Variants in DNAH5 observed in about 807,000 individuals in gnomAD.
DNAH5 encodes the protein axonemal beta dynein heavy chain 5.
DNAH5 carries 372 observed loss-of-function variants against 518.2 expected under a neutral mutation model. That is an observed-to-expected ratio of 0.72 (90% CI 0.66 to 0.78). The LOEUF (loss-of-function observed/expected upper bound fraction) is 0.78. Among genes scored for constraint, DNAH5 ranks in the 30% least tolerant of loss-of-function variants. DNAH5 has a pLI of 0.00. For synonymous variants in DNAH5, 2,039 were observed against 2,025.9 expected (o/e 1.01, Z -0.17); for missense variants, 5,523 against 5,687.0 (o/e 0.97, Z 0.93).
intron 38 of DNAH5, among the ~76,000 whole-genome samples, chr5:13,828,184 G>A (rs979296486): frequency 2.0e-5 from 3 of 152,216 alleles, no homozygotes; most frequent in African/African-American, 7.2e-5. Flanking sequence ...AGCCAGAAGA[G>A]TCTGTGTGTG....
At chr5:13,904,330 CAT>C (rs1245953001) in intron 12 of DNAH5, among the ~76,000 whole-genome samples, 8 of 149,054 alleles carry the variant, frequency 5.4e-5, no homozygotes, top group Non-Finnish European at 1.0e-4. Context: ...TTTATATATA[CAT>C]ATATGTTATA....
chr5:13,882,941 T>C lies in DNAH5; in HGVS notation c.3137A>G (p.Lys1046Arg). The C allele has an allele frequency of 6.2e-7, 1 of 1,614,162 alleles. No individual in the cohort carries two copies. Among genetic ancestry groups the C allele is most frequent in the Non-Finnish European group, 8.5e-7 (1 of 1,180,012 alleles). The change falls in exon 20 of 79, where the codon AAG becomes AGG. Residue 1046 changes from lysine to arginine, a missense_variant. By Grantham distance (26) the Lys-to-Arg change is conservative. This residue lies in a region of DNAH5 where 5,121 missense variants were observed against 5,223.3 expected (regional missense o/e 0.98). Coordinates refer to ENST00000265104, the MANE Select transcript of DNAH5 (RefSeq NM_001369.3). ...TTCACTGCTCCACTGTCTGACCCCC[T>C]TAGGGACACTGATGATGCACTCCAC... ...KAVECIISVP[K>R]GVRQWSSELL... is the part of the protein sequence containing the mutation.
chr5:13,780,770 G>A, intron 53 of DNAH5, 59 bp downstream of exon 53: 1 of 1,586,642 alleles, frequency 6.3e-7, no homozygotes, highest in Non-Finnish European at 8.6e-7. Flanking sequence ...ACTTCAGGTG[G>A]CCTCTGAGCA....
chr5:13,994,046 C>T (rs1783751692), intron 1 of DNAH5, among the ~76,000 whole-genome samples: 1 of 152,222 alleles, frequency 6.6e-6, no homozygotes, highest in African/African-American at 2.4e-5. Context: ...TCAGGCCGTC[C>T]TCTGCTCACC....
At chr5:13,793,381 G>A (rs2126908493) in intron 49 of DNAH5, 134 bp downstream of exon 49, 1 of 744,842 alleles carries the variant, frequency 1.3e-6, no homozygotes, top group Non-Finnish European at 2.4e-6. Context: ...TACACTGCTT[G>A]AGAGTGATGG....
chr5:13,802,326 A>T lies in DNAH5; in HGVS notation c.7887+5265T>A, dbSNP rs529873479. 2.6e-5 allele frequency among the ~76,000 whole-genome samples: 4 copies of T among 152,336 alleles called. No homozygotes were observed. In the South Asian group the frequency reaches 8.3e-4, roughly 32 times the overall value. On this transcript the variant is annotated intron_variant, in intron 47 of 78. Coordinates refer to ENST00000265104, the MANE Select transcript of DNAH5 (RefSeq NM_001369.3). ...GAAAACCAGGTAGGCTGAGGAATGG[A>T]GCTCCCTTCTGGCTCTTTTCTGAGC...
chr5:13,789,952 C>T (rs143487620), intron 50 of DNAH5, among the ~76,000 whole-genome samples: 1 of 152,090 alleles, frequency 6.6e-6, no homozygotes, highest in African/African-American at 2.4e-5. Context: ...TGAAAAGAAG[C>T]TCAACATCAC....
chr5:13,864,704 T>C, intron 27 of DNAH5, 67 bp from the exon 28 acceptor site: 14 of 1,552,072 alleles, frequency 9.0e-6, no homozygotes, highest in Non-Finnish European at 1.2e-5. Flanking sequence ...ACCAAGACGG[T>C]CTGCTAGTAT....
At chr5:13,799,770 A>C (rs1561291507) in intron 47 of DNAH5, among the ~76,000 whole-genome samples, 1 of 152,220 alleles carries the variant, frequency 6.6e-6, no homozygotes, top group Non-Finnish European at 1.5e-5. Flanking sequence ...TTGCATATAC[A>C]TAATGAGATA....
chr5:13,887,283 CTAA>C (rs1409806069), intron 17 of DNAH5, among the ~76,000 whole-genome samples: 1 of 152,186 alleles, frequency 6.6e-6, no homozygotes, highest in East Asian at 1.9e-4. Flanking sequence ...CTCTCAAAGA[CTAA>C]TATAGTTCCA....
chr5:13,717,041 A>C (rs1744385155), intron 73 of DNAH5, among the ~76,000 whole-genome samples: 1 of 152,140 alleles, frequency 6.6e-6, no homozygotes, highest in Non-Finnish European at 1.5e-5. Context: ...TTGAAGAACA[A>C]GCTTCCCCAC....
chr5:13,996,093 T>C (rs62344755), intron 1 of DNAH5, among the ~76,000 whole-genome samples: 365 of 152,356 alleles, frequency 2.4e-3, no homozygotes, highest in Middle Eastern at 0.01. Flanking sequence ...GAGATTCCAA[T>C]TGGCCACTCT....
intron 1 of DNAH5, among the ~76,000 whole-genome samples, chr5:13,965,993 C>G (rs140576409): frequency 1.9e-3 from 287 of 151,986 alleles, no homozygotes; most frequent in African/African-American, 6.6e-3. Flanking sequence ...CCCTCCCATC[C>G]TTTCCCCCAA....
At position 13,793,794 on chromosome 5, in the gene DNAH5, G is replaced by A. The variant is rs1757400896; in HGVS notation, c.8011-66C>T. On this transcript the variant is annotated intron_variant, in intron 48 of 78. Coordinates refer to ENST00000265104, the MANE Select transcript of DNAH5 (RefSeq NM_001369.3). The stretch of plus-strand genomic sequence containing the variant: ...CTATCCCCGGAGCCTAACTCCTTGA[G>A]TGTTTCCAAAGAAAGAACTTTACTG... 7.0e-6 allele frequency: 11 copies of A among 1,578,508 alleles called. No homozygotes were observed. The South Asian group carries it at 1.2e-4, about 18-fold the overall frequency.
intron 23 of DNAH5, 33 bp from the exon 24 acceptor site, chr5:13,871,035 TA>T (rs1395444987): frequency 1.3e-6 from 2 of 1,544,398 alleles, no homozygotes; most frequent in Non-Finnish European, 1.8e-6. Flanking sequence ...AGTTCAGTTT[TA>T]AAAACTCGAA....
intron 17 of DNAH5, 43 bp downstream of exon 17, chr5:13,890,933 A>G (rs1312379289): frequency 3.1e-6 from 5 of 1,611,950 alleles, no homozygotes; most frequent in Middle Eastern, 1.6e-4. Context: ...AGGAAAATGA[A>G]TCACCAAAAA....
At chr5:13,817,233 T>C (rs1184701441) in intron 42 of DNAH5, among the ~76,000 whole-genome samples, 1 of 152,224 alleles carries the variant, frequency 6.6e-6, no homozygotes, top group Non-Finnish European at 1.5e-5. Flanking sequence ...TCAGTGAAAA[T>C]AGTTATGGTA....
At chr5:13,699,715 TATAA>T (rs897458108) in intron 78 of DNAH5, among the ~76,000 whole-genome samples, 6 of 152,172 alleles carry the variant, frequency 3.9e-5, no homozygotes, top group African/African-American at 1.4e-4. Flanking sequence ...CTCTGTCTCA[TATAA>T]ATAAATAAAT....
intron 30 of DNAH5, among the ~76,000 whole-genome samples, chr5:13,857,160 A>G (rs1346885926): frequency 6.6e-6 from 1 of 152,238 alleles, no homozygotes; most frequent in Non-Finnish European, 1.5e-5. Flanking sequence ...CAACTTCAGC[A>G]AAGTCTCAGG....
Sources: allele counts gnomAD v4.1 joint callset (sites outside exome capture counted in the v4.1 genomes callset), GRCh38; gene constraint gnomAD v4.1.1; regional missense constraint gnomAD v4.1.1; transcripts MANE v1.5; gene names NCBI Gene and HGNC (gene_info 2026-07-23, HGNC 2026-07-21).